ZBTB20: variants seen among roughly 807,000 people sequenced by gnomAD.
The protein encoded by ZBTB20 is zinc finger and BTB domain-containing protein 20.
ZBTB20 carries 9 observed loss-of-function variants against 56.9 expected under a neutral mutation model. The ratio of observed to expected loss-of-function variants is 0.16; its 90% CI spans 0.10 to 0.28. ZBTB20 has a LOEUF of 0.28. Among genes scored for constraint, ZBTB20 ranks in the 10% least tolerant of loss-of-function variants. ZBTB20 has a pLI of 1.00. For missense variants in ZBTB20, 655 were observed against 1,003.0 expected (o/e 0.65, Z 4.69); for synonymous variants, 417 against 420.7 (o/e 0.99, Z 0.11).
chr3:114,721,144 C>T (rs1056094569), intron 5 of ZBTB20, among the ~76,000 whole-genome samples: 27 of 152,038 alleles, frequency 1.8e-4, no homozygotes, highest in Admixed American at 2.0e-4. Flanking sequence ...GTGTGGAATG[C>T]GAAACGGGGT....
At chr3:114,752,633 T>G (rs1481130712) in intron 5 of ZBTB20, among the ~76,000 whole-genome samples, 1 of 152,188 alleles carries the variant, frequency 6.6e-6, no homozygotes, top group Non-Finnish European at 1.5e-5. Flanking sequence ...ATTCAGGACT[T>G]TACTTAAAAA....
chr3:115,036,004 A>G (rs1015457920), intron 2 of ZBTB20, among the ~76,000 whole-genome samples: 4 of 152,232 alleles, frequency 2.6e-5, no homozygotes, highest in Admixed American at 2.0e-4. Flanking sequence ...TCCAATTTAT[A>G]TGAAGTACTT....
chr3:114,473,168 T>TA (rs1454413161), intron 7 of ZBTB20, among the ~76,000 whole-genome samples: 1 of 152,216 alleles, frequency 6.6e-6, no homozygotes, highest in Non-Finnish European at 1.5e-5. Flanking sequence ...CAGCACGCTT[T>TA]ATGTGTGCTA....
At chr3:115,057,959 T>C (rs551599814) in intron 2 of ZBTB20, among the ~76,000 whole-genome samples, 1 of 152,252 alleles carries the variant, frequency 6.6e-6, no homozygotes, top group Admixed American at 6.5e-5. Context: ...ACAATCATGA[T>C]GGAAGAGGAG....
At chr3:114,848,981 C>T (rs909144322) in intron 4 of ZBTB20, among the ~76,000 whole-genome samples, 1 of 152,158 alleles carries the variant, frequency 6.6e-6, no homozygotes, top group African/African-American at 2.4e-5. Flanking sequence ...TATTCTGCCC[C>T]AGCAGAACAC....
chr3:114,442,869 C>A (rs1270772355), intron 7 of ZBTB20, among the ~76,000 whole-genome samples: 1 of 152,092 alleles, frequency 6.6e-6, no homozygotes, highest in South Asian at 2.1e-4. Flanking sequence ...GTTATTTCAT[C>A]ATTTCCATTT....
intron 6 of ZBTB20, among the ~76,000 whole-genome samples, chr3:114,541,876 C>G (rs749030589): frequency 3.9e-5 from 6 of 151,972 alleles, no homozygotes; most frequent in Non-Finnish European, 8.8e-5. Context: ...AGTAAGAATA[C>G]CTGCTTGTAG....
intron 4 of ZBTB20, among the ~76,000 whole-genome samples, chr3:114,817,233 A>G (rs1274019511): frequency 3.3e-5 from 5 of 150,526 alleles, no homozygotes; most frequent in Non-Finnish European, 7.4e-5. Flanking sequence ...ACACACACAT[A>G]ATAAATTGGG....
intron 2 of ZBTB20, among the ~76,000 whole-genome samples, chr3:115,057,717 C>T (rs1452837424): frequency 6.6e-6 from 1 of 152,120 alleles, no homozygotes; most frequent in African/African-American, 2.4e-5. Flanking sequence ...ATTAACACAT[C>T]TTGTAGTGCT....
At chr3:114,852,785 G>T (rs1272754773) in intron 4 of ZBTB20, among the ~76,000 whole-genome samples, 1 of 152,148 alleles carries the variant, frequency 6.6e-6, no homozygotes, top group African/African-American at 2.4e-5. Flanking sequence ...TTTTCACTGA[G>T]TTAATTCTAT....
intron 4 of ZBTB20, among the ~76,000 whole-genome samples, chr3:114,826,799 C>A (rs2073551643): frequency 6.6e-6 from 1 of 151,578 alleles, no homozygotes. Context: ...TACATATTTT[C>A]TTTTCCTGTA....
At chr3:115,007,962 C>A (rs2079545414) in intron 2 of ZBTB20, among the ~76,000 whole-genome samples, 1 of 151,814 alleles carries the variant, frequency 6.6e-6, no homozygotes, top group South Asian at 2.1e-4. Flanking sequence ...TTTGCAGGCT[C>A]TTCTGCTTCT....
intron 7 of ZBTB20, among the ~76,000 whole-genome samples, chr3:114,437,554 T>C (rs2090603164): frequency 6.6e-6 from 1 of 152,076 alleles, no homozygotes; most frequent in South Asian, 2.1e-4. Flanking sequence ...GGCTTTGTGT[T>C]AGGTAAGCAT....
rs58242110 is a variant in ZBTB20, at chr3:114,331,105, A to ATGTGTGTGTGTGTGTGTGTGTG, written c.*7878_*7899dup. The ATGTGTGTGTGTGTGTGTGTGTG allele has an allele frequency of 6.7e-6, 1 of 148,628 alleles. No individual in the cohort carries two copies. The highest frequency in any genetic ancestry group is 1.5e-5 in the Non-Finnish European group (1 of 67,010). The allele number at this position is 148,628 out of a possible 1,614,324, so 9.2% of individuals were successfully genotyped here. A position where few individuals can be genotyped will look rare whatever the true frequency, so the allele number is the denominator to read the frequency against. Reference sequence around the variant, plus strand: ...AAGCTTTAGTTTGAGAATAAAATTTATGTGTGTGTGTGTGTGTGTGTGTGT... The same window carrying ATGTGTGTGTGTGTGTGTGTGTG: ...AAGCTTTAGTTTGAGAATAAAATTTATGTGTGTGTGTGTGTGTGTGTGTGTGTGTGTGTGTGTGTGTGTGTGT... On this transcript the variant is annotated 3_prime_UTR_variant, in exon 12 of 12. Transcript: ENST00000675478.
intron 7 of ZBTB20, among the ~76,000 whole-genome samples, chr3:114,406,663 T>TTCCTTCTAAGGTGTTTGTAC (rs1406209174): frequency 6.6e-6 from 1 of 152,148 alleles, no homozygotes; most frequent in Non-Finnish European, 1.5e-5. Context: ...ATAAACATCC[T>TTCCTTCTAAGGTGTTTGTAC]TCCTTCTAAG....
Position 114,380,869 on chromosome 3 carries a change from C to T in ZBTB20, c.-82G>A. On this transcript the variant is annotated 5_prime_UTR_variant, in exon 9 of 12. Coordinates refer to ENST00000675478, the MANE Select transcript of ZBTB20 (RefSeq NM_001348800.3). ...GAGTCAGGAGACTTGAGCTACCGTACTAGCTGTGCCTCTAACTTGCTGTGT... is the reference window on the plus strand; with the variant it reads ...GAGTCAGGAGACTTGAGCTACCGTATTAGCTGTGCCTCTAACTTGCTGTGT... The T allele has an allele frequency of 1.6e-6, 2 of 1,277,814 alleles. No individual in the cohort carries two copies. The highest frequency in any genetic ancestry group is 1.0e-6 in the Non-Finnish European group (1 of 974,610). The allele number at this position is 1,277,814 out of a possible 1,614,324, so 79.2% of individuals were successfully genotyped here.
chr3:114,414,832 G>A (rs900816357), intron 7 of ZBTB20, among the ~76,000 whole-genome samples: 40 of 149,892 alleles, frequency 2.7e-4, no homozygotes, highest in Non-Finnish European at 5.6e-4. Context: ...ATGTGAATAG[G>A]AGCTATTTGT....
chr3:115,108,187 T>C (rs2083777975), intron 1 of ZBTB20, among the ~76,000 whole-genome samples: 1 of 152,098 alleles, frequency 6.6e-6, no homozygotes, highest in Non-Finnish European at 1.5e-5. Context: ...AGAATTTCAA[T>C]AAACATCATT....
chr3:115,066,194 CT>C lies in ZBTB20; in HGVS notation c.-507+5024del, dbSNP rs201511831. Among the ~76,000 whole-genome samples the C allele has an allele frequency of 2.0e-5, 3 of 152,178 alleles. No homozygotes were observed. In the East Asian group the frequency reaches 5.8e-4, roughly 29 times the overall value. ...TGAAATTCAAATGAATCTTTTATAT[CT>C]TTCCTAAGTTTCTACCCTCAATTCC... On this transcript the variant is annotated intron_variant, in intron 2 of 11. Transcript: ENST00000675478.
Sources: gnomAD v4.1 joint callset for allele counts (sites outside exome capture counted in the v4.1 genomes callset) on GRCh38, gnomAD v4.1.1 for gene constraint, MANE v1.5 for transcripts, NCBI Gene and HGNC (gene_info 2026-07-23, HGNC 2026-07-21) for gene names.